The following PHLDB1 variants were observed in gnomAD, a reference collection of about 807,000 sequenced individuals.
PHLDB1 encodes pleckstrin homology like domain family B member 1, also known as pleckstrin homology-like domain family B member 1.
PHLDB1 carries 65 observed loss-of-function variants against 139.3 expected under a neutral mutation model. The ratio of observed to expected loss-of-function variants is 0.47; its 90% CI spans 0.38 to 0.57. PHLDB1 has a LOEUF of 0.57. Among genes scored for constraint, PHLDB1 ranks in the 20% least tolerant of loss-of-function variants. The pLI is 0.00. For missense variants in PHLDB1, 1,624 were observed against 1,839.7 expected (o/e 0.88, Z 2.14); for synonymous variants, 679 against 734.5 (o/e 0.92, Z 1.22).
chr11:118,636,457 C>T (rs1481375611), intron 10 of PHLDB1, among the ~76,000 whole-genome samples: 1 of 152,134 alleles, frequency 6.6e-6, no homozygotes. Flanking sequence ...CTTACAAACG[C>T]ACTTTCTGGA....
At position 118,645,843 on chromosome 11, in the gene PHLDB1, C is replaced by T. The variant is rs782613165; in HGVS notation, c.3507+18C>T. 9.7e-6 allele frequency: 15 copies of T among 1,546,342 alleles called. No homozygotes were observed. The East Asian group carries it at 1.6e-4, about 16-fold the overall frequency. ...AGTCGAGGGTGAGTCTGACCTGGAT[C>T]GGGGAGGCAGAAGGTGTTGGGGCAC... is the stretch of plus-strand genomic sequence containing the variant. On this transcript the variant is annotated intron_variant, in intron 17 of 22. Coordinates refer to ENST00000600882, the MANE Select transcript of PHLDB1 (RefSeq NM_001144758.3). This position sits in a 1 kb window ranked among gnomAD's most constrained non-coding sequence, Gnocchi z 5.1.
chr11:118,643,782 A>T lies in PHLDB1; in HGVS notation c.2878-18A>T, dbSNP rs782759974. On this transcript the variant is annotated intron_variant, in intron 13 of 22. Transcript: ENST00000600882. ...ATGGGGGAGCCAGGAATCACTGGGC[A>T]CTATCTTTTCTTTCCAGGTTTACCG... The T allele has an allele frequency of 1.9e-6, 3 of 1,614,054 alleles. No homozygotes were observed. The South Asian group carries it at 3.3e-5, about 18-fold the overall frequency.
rs781909091 is a variant in PHLDB1, at chr11:118,650,518, G to A, written c.3845G>A (p.Arg1282Gln). The A allele has an allele frequency of 3.1e-6, 5 of 1,613,810 alleles. No individual in the cohort carries two copies. Among genetic ancestry groups the A allele is most frequent in the Non-Finnish European group, 3.4e-6 (4 of 1,179,836 alleles). Residue 1282 changes from arginine to glutamine, a missense_variant, in exon 20 of 23, where the codon CGG becomes CAG. Coordinates refer to ENST00000600882, the MANE Select transcript of PHLDB1 (RefSeq NM_001144758.3). This position sits in a 1 kb window ranked among gnomAD's most constrained non-coding sequence, Gnocchi z 4.7. ...SWKKRWFVFDRLKRTLSYYVD... is the reference protein window; with the variant it reads ...SWKKRWFVFDQLKRTLSYYVD... Reference sequence around the variant, plus strand: ...AAGAAGCGCTGGTTTGTCTTCGACCGGCTCAAGCGCACCCTTTCCTATTAT... The same window carrying A: ...AAGAAGCGCTGGTTTGTCTTCGACCAGCTCAAGCGCACCCTTTCCTATTAT...
In PHLDB1 at chr11:118,627,564, C is replaced by T. The variant is rs1555103311; in HGVS notation, c.741C>T (p.Ser247=). 1.2e-6 allele frequency: 2 copies of T among 1,614,036 alleles called. No individual in the cohort carries two copies. Among genetic ancestry groups the T allele is most frequent in the Non-Finnish European group, 1.7e-6 (2 of 1,180,008 alleles). ...CCGGCGCCATGTCTGTGGGCTCCAGCTATGAGAACACCTCTCCAGCCTTCT... is the reference window on the plus strand; with the variant it reads ...CCGGCGCCATGTCTGTGGGCTCCAGTTATGAGAACACCTCTCCAGCCTTCT... ...TSPGAMSVGS[S]YENTSPAFSP... is the part of the protein sequence containing the mutation. The change falls in exon 6 of 23, where the codon AGC becomes AGT. Residue 247 remains serine, a synonymous_variant. Coordinates refer to ENST00000600882, the MANE Select transcript of PHLDB1 (RefSeq NM_001144758.3).
chr11:118,608,602 G>C lies in PHLDB1; in HGVS notation c.-22+903G>C, dbSNP rs916499958. Among the ~76,000 whole-genome samples the C allele has an allele frequency of 5.9e-5, 9 of 152,220 alleles. No homozygotes were observed. The highest frequency in any genetic ancestry group is 5.2e-4 in the Admixed American group (8 of 15,302). On this transcript the variant is annotated intron_variant, in intron 1 of 22. Transcript: ENST00000600882. This position sits in a 1 kb window ranked among gnomAD's most constrained non-coding sequence, Gnocchi z 6.7. ...CTGGGCCGTTAGCTCAGCGGTCCTG[G>C]AGCCTCCCGAGGCTGACTCATCGGG...
chr11:118,655,449 T>C (rs1948907276), intron 20 of PHLDB1, 156 bp from the exon 21 acceptor site: 1 of 593,504 alleles, frequency 1.7e-6, no homozygotes, highest in Admixed American at 2.9e-5. Context: ...ATCCATATCT[T>C]TAGGATTCTG....
In PHLDB1 at chr11:118,656,829, G is replaced by A. The variant is rs781939821; in HGVS notation, c.*6G>A. On this transcript the variant is annotated 3_prime_UTR_variant, in exon 23 of 23. Coordinates refer to ENST00000600882, the MANE Select transcript of PHLDB1 (RefSeq NM_001144758.3). ...ACACTCAGTTCATGAACTAACTGCC[G>A]TGGGCCTCCTGGCAGAGCACAACTG... 2.2e-5 allele frequency: 35 copies of A among 1,606,868 alleles called. No individual in the cohort carries two copies. The highest frequency in any genetic ancestry group is 1.7e-4 in the Middle Eastern group (1 of 6,048).
intron 10 of PHLDB1, among the ~76,000 whole-genome samples, 162 bp from the exon 11 acceptor site, chr11:118,638,729 A>G (rs1436012448): frequency 2.6e-5 from 4 of 152,184 alleles, no homozygotes; most frequent in African/African-American, 9.7e-5. Flanking sequence ...GAAGGAGCCC[A>G]CATGGCAGCC....
At chr11:118,615,434 C>T (rs1401276072) in intron 3 of PHLDB1, among the ~76,000 whole-genome samples, 1 of 152,084 alleles carries the variant, frequency 6.6e-6, no homozygotes, top group Non-Finnish European at 1.5e-5. Flanking sequence ...CAGCTTCTGC[C>T]CGCCCTCTCT....
At chr11:118,619,045 A>G (rs1420828054) in intron 4 of PHLDB1, among the ~76,000 whole-genome samples, 4 of 152,066 alleles carry the variant, frequency 2.6e-5, no homozygotes, top group Middle Eastern at 3.2e-3. Context: ...CACATCCCAC[A>G]TTGCCCTCTT....
chr11:118,642,435 C>T (rs1555122283), intron 13 of PHLDB1, 41 bp downstream of exon 13: 1 of 1,587,702 alleles, frequency 6.3e-7, no homozygotes, highest in Admixed American at 1.7e-5. Flanking sequence ...AGCCTTTGCA[C>T]CTGTCCACTC....
intron 5 of PHLDB1, among the ~76,000 whole-genome samples, chr11:118,626,260 C>A (rs1164095223): frequency 6.6e-6 from 1 of 151,768 alleles, no homozygotes; most frequent in Non-Finnish European, 1.5e-5. Flanking sequence ...TTTTTTTTAC[C>A]CCTGGGCCTC....
At chr11:118,643,713 T>C (rs1555123429) in intron 13 of PHLDB1, 87 bp from the exon 14 acceptor site, 1 of 1,605,746 alleles carries the variant, frequency 6.2e-7, no homozygotes, top group East Asian at 2.2e-5. Context: ...GCCAGGGCGG[T>C]ACGTCAGATC....
Position 118,656,871 on chromosome 11 carries a change from A to C in PHLDB1, c.*48A>C. 1 of 1,542,570 alleles carries C rather than the reference A, an allele frequency of 6.5e-7. No individual in the cohort carries two copies. The highest frequency in any genetic ancestry group is 8.9e-7 in the Non-Finnish European group (1 of 1,123,936). ...GCACAACTGGGGCTTTTGTATAAGA[A>C]GACTTTAATATTCTGTAAGGAGCTT... On this transcript the variant is annotated 3_prime_UTR_variant, in exon 23 of 23. Coordinates refer to ENST00000600882, the MANE Select transcript of PHLDB1 (RefSeq NM_001144758.3).
rs542325605 is a variant in PHLDB1 at position 118,620,191 on chromosome 11, T to C, written c.355+3980T>C. Among the ~76,000 whole-genome samples the C allele has an allele frequency of 6.6e-6, 1 of 152,348 alleles. No homozygotes were observed. The highest frequency in any genetic ancestry group is 2.4e-5 in the African/African-American group (1 of 41,590). On this transcript the variant is annotated intron_variant, in intron 4 of 22. Transcript: ENST00000600882. This position sits in a 1 kb window ranked among gnomAD's most constrained non-coding sequence, Gnocchi z 4.1. Reference sequence around the variant, plus strand: ...CTCTCTGGGGGACCTGGCTGGATGGTAGGTATTAATACCTGACTGGGCCGG... The same window carrying C: ...CTCTCTGGGGGACCTGGCTGGATGGCAGGTATTAATACCTGACTGGGCCGG...
intron 4 of PHLDB1, 49 bp downstream of exon 4, chr11:118,616,260 T>C (rs782621453): frequency 9.7e-5 from 151 of 1,557,682 alleles, no homozygotes; most frequent in Non-Finnish European, 1.2e-4. Flanking sequence ...TAAAGGCTTG[T>C]GTGTATTAGG....
intron 17 of PHLDB1, 105 bp from the exon 18 acceptor site, chr11:118,647,825 G>T: frequency 8.0e-7 from 1 of 1,257,080 alleles, no homozygotes; most frequent in South Asian, 1.5e-5. Flanking sequence ...CCTCATGCCA[G>T]ACTACCCTGA....
At position 118,611,826 on chromosome 11, in the gene PHLDB1, A is replaced by ATAATAATAAT. The variant is rs11425130; in HGVS notation, c.-21-1990_-21-1989insTAATAATAAT. Among the ~76,000 whole-genome samples, 44 of 148,172 alleles carry ATAATAATAAT rather than the reference A, an allele frequency of 3.0e-4. No homozygotes were observed. The highest frequency in any genetic ancestry group is 1.5e-3 in the South Asian group (7 of 4,702). ...AGAGTGAAACTCCGTCTCAAAAAAA[A>ATAATAATAAT]AAAAAAAATAATAATAATAATAATA... On this transcript the variant is annotated intron_variant, in intron 1 of 22. Transcript: ENST00000600882. The surrounding 1 kb of genome is among the most constrained non-coding windows in gnomAD (Gnocchi z 4.7).
intron 4 of PHLDB1, 150 bp downstream of exon 4, chr11:118,616,361 AAAC>A: frequency 1.5e-6 from 1 of 666,880 alleles, no homozygotes. Flanking sequence ...GGATGTGCCT[AAAC>A]AACATCCCAA....
Sources: allele counts gnomAD v4.1 joint callset (sites outside exome capture counted in the v4.1 genomes callset), GRCh38; gene constraint gnomAD v4.1.1; non-coding constraint Gnocchi (gnomAD v3.1); transcripts MANE v1.5; gene names NCBI Gene and HGNC (gene_info 2026-07-23, HGNC 2026-07-21).